The following PELI1 variants were observed in gnomAD, a reference collection of about 807,000 sequenced individuals.
PELI1 encodes E3 ubiquitin-protein ligase pellino homolog 1.
PELI1 carries 15 observed loss-of-function variants against 41.3 expected under a neutral mutation model. The observed-to-expected ratio is 0.36, with a 90% CI of 0.24 to 0.56. The LOEUF (loss-of-function observed/expected upper bound fraction) is 0.56, where lower values mean the gene tolerates loss of function less well. PELI1 is among the 20% of genes least tolerant of loss of function. The pLI, the probability that PELI1 is intolerant of heterozygous loss-of-function variation, is 0.82. For missense variants in PELI1, 403 were observed against 525.5 expected, an observed-to-expected ratio of 0.77 and a Z score of 2.28; for synonymous variants, 178 against 180.1, an observed-to-expected ratio of 0.99 and a Z score of 0.09.
At position 64,093,026 on chromosome 2, in the gene PELI1, C is replaced by T. The variant is rs1360712322; in HGVS notation, c.*1676G>A. On this transcript the variant is annotated 3_prime_UTR_variant, in exon 7 of 7. Coordinates refer to ENST00000358912, the MANE Select transcript of PELI1 (RefSeq NM_020651.4). ...ATCTAGAAAACTTCAAAATCAATTA[C>T]ATTTCTTTGAAAAAGGGGTAACAGC... 2.0e-5 allele frequency: 3 copies of T among 152,590 alleles called. No individual in the cohort carries two copies. Among genetic ancestry groups the T allele is most frequent in the Non-Finnish European group, 1.5e-5 (1 of 68,028 alleles). 9.5% of individuals were successfully genotyped at this position (152,590 alleles called of 1,614,324 possible).
At chr2:64,111,045 G>A (rs1022262651) in intron 1 of PELI1, among the ~76,000 whole-genome samples, 1 of 151,900 alleles carries the variant, frequency 6.6e-6, no homozygotes, top group Non-Finnish European at 1.5e-5. Context: ...TTCATCCTCA[G>A]TTTAATGGGA....
intron 1 of PELI1, among the ~76,000 whole-genome samples, chr2:64,119,723 A>G (rs1302337855): frequency 1.3e-5 from 2 of 152,240 alleles, no homozygotes; most frequent in Non-Finnish European, 2.9e-5. Context: ...CAAGTTATAG[A>G]GTAAGGTACT....
At position 64,137,355 on chromosome 2, in the gene PELI1, C is replaced by T. The variant is rs187500122; in HGVS notation, c.-70+6726G>A. Among the ~76,000 whole-genome samples the T allele has an allele frequency of 3.6e-4, 55 of 152,186 alleles. No homozygotes were observed. The East Asian group carries it at 0.01, about 29-fold the overall frequency. On this transcript the variant is annotated intron_variant, in intron 1 of 6. Coordinates refer to ENST00000358912, the MANE Select transcript of PELI1 (RefSeq NM_020651.4). Reference sequence around the variant, plus strand: ...TTCCTTCCCCAAGTGTATGCCATAGCGACAAGACTTAAACAATTTCACTGT... The same window carrying T: ...TTCCTTCCCCAAGTGTATGCCATAGTGACAAGACTTAAACAATTTCACTGT...
chr2:64,126,173 A>AT (rs148097831), intron 1 of PELI1, among the ~76,000 whole-genome samples: 3,468 of 150,814 alleles, frequency 0.023, 112 homozygotes, highest in African/African-American at 0.078. Flanking sequence ...TGGTCTCCCT[A>AT]TTTTTTTTTG....
At chr2:64,098,447 C>T (rs556068211) in intron 4 of PELI1, among the ~76,000 whole-genome samples, 7 of 152,352 alleles carry the variant, frequency 4.6e-5, no homozygotes, top group Admixed American at 2.0e-4. Context: ...TTTCACCACA[C>T]TGTGTACTAC....
chr2:64,100,532 T>A, intron 3 of PELI1, 33 bp from the exon 4 acceptor site: 1 of 1,002,274 alleles, frequency 1.0e-6, no homozygotes, highest in Non-Finnish European at 1.6e-6. Flanking sequence ...CAAAAATTAG[T>A]AGGCAGGTCA....
intron 3 of PELI1, among the ~76,000 whole-genome samples, chr2:64,102,466 G>A (rs1431008632): frequency 6.6e-6 from 1 of 152,100 alleles, no homozygotes; most frequent in Non-Finnish European, 1.5e-5. Context: ...TTAAACTCCT[G>A]TGCTCAAGTG....
chr2:64,134,428 A>G (rs1681652610), intron 1 of PELI1, among the ~76,000 whole-genome samples: 1 of 152,170 alleles, frequency 6.6e-6, no homozygotes, highest in African/African-American at 2.4e-5. Flanking sequence ...GCTAGTTCAG[A>G]AACTGAATCA....
intron 4 of PELI1, 24 bp downstream of exon 4, chr2:64,100,374 A>G: frequency 7.9e-7 from 1 of 1,265,296 alleles, no homozygotes; most frequent in Non-Finnish European, 1.1e-6. Context: ...TTCTTAAGAA[A>G]AAAAATTTAA....
intron 2 of PELI1, among the ~76,000 whole-genome samples, chr2:64,106,814 A>C (rs1206473204): frequency 6.6e-6 from 1 of 152,234 alleles, no homozygotes; most frequent in Admixed American, 6.5e-5. Context: ...ATCTCAACTG[A>C]AACAACGCAT....
rs181832874 is a variant in PELI1 at position 64,099,320 on chromosome 2, T to C, written c.303+1078A>G. On this transcript the variant is annotated intron_variant, in intron 4 of 6. Coordinates refer to ENST00000358912, the MANE Select transcript of PELI1 (RefSeq NM_020651.4). The stretch of plus-strand genomic sequence containing the variant: ...AACTGAGACTACAGGCCTAGTAGCA[T>C]CTTGATTTTAAAAAAAAGCTAAGCT... 3.9e-4 allele frequency among the ~76,000 whole-genome samples: 59 copies of C among 150,504 alleles called. No homozygotes were observed. The East Asian group carries it at 0.01, about 26-fold the overall frequency.
chr2:64,136,270 T>C (rs2103743570), intron 1 of PELI1, among the ~76,000 whole-genome samples: 1 of 152,308 alleles, frequency 6.6e-6, no homozygotes. Context: ...AAATATGGGC[T>C]CAGTTGTTCC....
At chr2:64,140,810 A>AAAAAAAAAC (rs1558490182) in intron 1 of PELI1, among the ~76,000 whole-genome samples, 4 of 147,120 alleles carry the variant, frequency 2.7e-5, no homozygotes, top group East Asian at 2.0e-4. Flanking sequence ...CAAACAAACA[A>AAAAAAAAAC]AAAAAAACCT....
intron 1 of PELI1, among the ~76,000 whole-genome samples, chr2:64,132,389 A>G (rs992731113): frequency 6.6e-6 from 1 of 152,340 alleles, no homozygotes; most frequent in East Asian, 1.9e-4. Context: ...TCTGAAATCC[A>G]AAACACCTTT....
chr2:64,125,064 C>T (rs1035579006), intron 1 of PELI1, among the ~76,000 whole-genome samples: 11 of 141,058 alleles, frequency 7.8e-5, no homozygotes, highest in African/African-American at 2.9e-4. Context: ...GGAAGAGATG[C>T]ACAGGGCAAG....
intron 3 of PELI1, among the ~76,000 whole-genome samples, chr2:64,101,921 A>T (rs1160513785): frequency 7.0e-6 from 1 of 142,984 alleles, no homozygotes; most frequent in East Asian, 2.0e-4. Context: ...TCCGCCTCCC[A>T]GGTTCAAGTG....
At chr2:64,121,744 A>G (rs1312540481) in intron 1 of PELI1, among the ~76,000 whole-genome samples, 1 of 152,066 alleles carries the variant, frequency 6.6e-6, no homozygotes, top group Non-Finnish European at 1.5e-5. Flanking sequence ...CGTCTCTACT[A>G]AAAATATAAA....
chr2:64,140,633 C>A (rs1681872080), intron 1 of PELI1, among the ~76,000 whole-genome samples: 1 of 151,610 alleles, frequency 6.6e-6, no homozygotes, highest in South Asian at 2.1e-4. Flanking sequence ...TAGAAATTCC[C>A]TGACATCCAT....
intron 1 of PELI1, among the ~76,000 whole-genome samples, chr2:64,136,293 T>C (rs1242039431): frequency 6.6e-6 from 1 of 152,146 alleles, no homozygotes; most frequent in Non-Finnish European, 1.5e-5. Context: ...GTTAACAAAC[T>C]AGTGTTTAAA....
Sources: gnomAD v4.1 joint callset for allele counts (sites outside exome capture counted in the v4.1 genomes callset) on GRCh38, gnomAD v4.1.1 for gene constraint, MANE v1.5 for transcripts, NCBI Gene and HGNC (gene_info 2026-07-23, HGNC 2026-07-21) for gene names.